BMERB1: variants seen among roughly 807,000 people sequenced by gnomAD.
BMERB1 encodes the protein bMERB domain-containing protein 1.
In BMERB1, 12 loss-of-function variants were observed where a neutral mutation model predicts 23.6. The observed-to-expected ratio is 0.51, with a 90% CI of 0.33 to 0.82. BMERB1 has a LOEUF of 0.82. Among genes scored for constraint, BMERB1 ranks in the 40% least tolerant of loss-of-function variants. The pLI is 0.03. For missense variants in BMERB1, 247 were observed against 255.4 expected (o/e 0.97, Z 0.22); for synonymous variants, 122 against 96.6 (o/e 1.26, Z -1.54).
At chr16:15,521,300 CA>C (rs1418769402) in intron 2 of BMERB1, among the ~76,000 whole-genome samples, 1 of 152,166 alleles carries the variant, frequency 6.6e-6, no homozygotes, top group Non-Finnish European at 1.5e-5. Flanking sequence ...TGATGAGCTC[CA>C]ATGCAGACAG....
chr16:15,575,982 T>A (rs1204336717), intron 3 of BMERB1, among the ~76,000 whole-genome samples: 1 of 151,920 alleles, frequency 6.6e-6, no homozygotes, highest in East Asian at 1.9e-4. Context: ...GGCCCTAGGT[T>A]CCCTGCCTCC....
intron 1 of BMERB1, among the ~76,000 whole-genome samples, chr16:15,496,157 T>G (rs1338780380): frequency 6.6e-6 from 1 of 151,784 alleles, no homozygotes; most frequent in African/African-American, 2.4e-5. Flanking sequence ...ATGACAGTGA[T>G]GTGCTAGTGA....
intron 2 of BMERB1, among the ~76,000 whole-genome samples, chr16:15,526,813 G>A (rs1056753150): frequency 2.0e-5 from 3 of 150,738 alleles, no homozygotes; most frequent in Admixed American, 6.6e-5. Flanking sequence ...TGGGGCACAC[G>A]GGGCCGTCTA....
At chr16:15,529,015 G>GTGTT (rs369446865) in intron 2 of BMERB1, among the ~76,000 whole-genome samples, 2,293 of 151,608 alleles carry the variant, frequency 0.015, 28 homozygotes, top group African/African-American at 0.028. Flanking sequence ...TGAAAAATAA[G>GTGTT]TGTTTGTTTG....
intron 1 of BMERB1, among the ~76,000 whole-genome samples, chr16:15,461,965 GCAA>G (rs1452636378): frequency 2.6e-5 from 4 of 151,764 alleles, no homozygotes; most frequent in Non-Finnish European, 4.4e-5. Context: ...AACAGCAGCA[GCAA>G]CAACAAACAA....
chr16:15,452,305 GA>G (rs1297232962), intron 1 of BMERB1, among the ~76,000 whole-genome samples: 3 of 86,150 alleles, frequency 3.5e-5, no homozygotes, highest in Non-Finnish European at 7.3e-5. Flanking sequence ...AGAAAAGAAG[GA>G]AGGAAGGGAG....
intron 3 of BMERB1, among the ~76,000 whole-genome samples, chr16:15,577,871 C>G (rs150999252): frequency 1.3e-5 from 2 of 152,204 alleles, no homozygotes; most frequent in Admixed American, 1.3e-4. Context: ...CGCCATTTTG[C>G]CTCTTAATGT....
chr16:15,550,449 C>G (rs1389081338), intron 2 of BMERB1, among the ~76,000 whole-genome samples: 1 of 152,102 alleles, frequency 6.6e-6, no homozygotes, highest in Non-Finnish European at 1.5e-5. Context: ...CCTCCCACCT[C>G]AGCCCCGCAA....
At position 15,583,320 on chromosome 16, in the gene BMERB1, G is replaced by A. The variant is rs570713416; in HGVS notation, c.502+82G>A. ...GCCAGGCCCACAGTGGATCACGCCT[G>A]TAATCCCAGCACTATGAGAGGCCAA... is the stretch of plus-strand genomic sequence containing the variant. On this transcript the variant is annotated intron_variant, in intron 5 of 5. Transcript: ENST00000300006. The A allele has an allele frequency of 1.4e-5, 16 of 1,169,712 alleles. No individual in the cohort carries two copies. The Admixed American group carries it at 1.5e-4, about 11-fold the overall frequency. The allele number at this position is 1,169,712 out of a possible 1,614,324, so 72.5% of individuals were successfully genotyped here. A position where few individuals can be genotyped will look rare whatever the true frequency, so the allele number is the denominator to read the frequency against.
chr16:15,465,117 A>G (rs1020159090), intron 1 of BMERB1, among the ~76,000 whole-genome samples: 1 of 152,074 alleles, frequency 6.6e-6, no homozygotes, highest in Non-Finnish European at 1.5e-5. Flanking sequence ...AACCACACAC[A>G]CACATACACA....
At chr16:15,574,999 A>T (rs1266306468) in intron 3 of BMERB1, among the ~76,000 whole-genome samples, 2 of 152,140 alleles carry the variant, frequency 1.3e-5, no homozygotes, top group Non-Finnish European at 2.9e-5. Flanking sequence ...GAATTGCTTG[A>T]ACTCGGGAGA....
rs751287609 is a variant in BMERB1 at position 15,434,775 on chromosome 16, G to A, written c.106+16G>A. ...CTGGGGAGAAGTGAGTACTGGGGCG[G>A]GGGGCGGGGGGCCGGGGACAGCTGG... On this transcript the variant is annotated intron_variant, in intron 1 of 5. Coordinates refer to ENST00000300006, the MANE Select transcript of BMERB1 (RefSeq NM_033201.3). 2.3e-5 allele frequency: 12 copies of A among 531,390 alleles called. No individual in the cohort carries two copies. In the East Asian group the frequency reaches 2.5e-4, roughly 11 times the overall value. 32.9% of individuals were successfully genotyped at this position (531,390 alleles called of 1,614,324 possible).
chr16:15,504,680 T>C (rs187448541), intron 1 of BMERB1, among the ~76,000 whole-genome samples: 2 of 151,890 alleles, frequency 1.3e-5, no homozygotes, highest in African/African-American at 4.8e-5. Flanking sequence ...CTTAAACTCA[T>C]GGCTTCAAGT....
chr16:15,467,635 A>C (rs1179748845), intron 1 of BMERB1, among the ~76,000 whole-genome samples: 1 of 152,070 alleles, frequency 6.6e-6, no homozygotes, highest in Non-Finnish European at 1.5e-5. Flanking sequence ...ATTTCCTCCT[A>C]GTCCGTAGCT....
chr16:15,448,046 T>A lies in BMERB1; in HGVS notation c.106+13287T>A, dbSNP rs566401441. On this transcript the variant is annotated intron_variant, in intron 1 of 5. Coordinates refer to ENST00000300006, the MANE Select transcript of BMERB1 (RefSeq NM_033201.3). The stretch of plus-strand genomic sequence containing the variant: ...CCGGAATTACAGGTACCCGCCACCA[T>A]GCCCAGCTAATTTTTGTACTTTTAG... 1.3e-4 allele frequency: 50 copies of A among 388,224 alleles called. 1 individual carries two copies. The highest frequency in any genetic ancestry group is 9.1e-4 in the South Asian group (48 of 52,830). 24.0% of individuals were successfully genotyped at this position (388,224 alleles called of 1,614,324 possible). A position where few individuals can be genotyped will look rare whatever the true frequency, so the allele number is the denominator to read the frequency against.
intron 2 of BMERB1, among the ~76,000 whole-genome samples, chr16:15,524,428 C>G (rs1056346076): frequency 3.3e-5 from 5 of 152,090 alleles, no homozygotes; most frequent in Non-Finnish European, 7.4e-5. Flanking sequence ...TCTAAATGTA[C>G]TGGGAGGTGG....
intron 1 of BMERB1, among the ~76,000 whole-genome samples, chr16:15,473,152 G>T (rs962755229): frequency 2.0e-5 from 3 of 151,862 alleles, no homozygotes; most frequent in Non-Finnish European, 4.4e-5. Flanking sequence ...GAGCCACTGA[G>T]GCCAGCCAGA....
rs912984150 is a variant in BMERB1 at position 15,568,060 on chromosome 16, A to G, written c.304+4A>G. ...CAGAACTTGGTCGCCATCCCAGGTA[A>G]CCATTTGCAACTTCACCTTGTGCTA... On this transcript the variant is annotated splice_donor_region_variant and intron_variant, in intron 3 of 5. Coordinates refer to ENST00000300006, the MANE Select transcript of BMERB1 (RefSeq NM_033201.3). 6 of 1,613,624 alleles carry G rather than the reference A, an allele frequency of 3.7e-6. No individual in the cohort carries two copies. The highest frequency in any genetic ancestry group is 1.7e-4 in the Middle Eastern group (1 of 6,018).
chr16:15,564,888 T>G (rs1001029628), intron 2 of BMERB1, among the ~76,000 whole-genome samples: 10 of 152,304 alleles, frequency 6.6e-5, no homozygotes, highest in Non-Finnish European at 1.3e-4. Flanking sequence ...TTACCCCAGC[T>G]CATTCCTTAC....
Sources: gnomAD v4.1 joint callset for allele counts (sites outside exome capture counted in the v4.1 genomes callset) on GRCh38, gnomAD v4.1.1 for gene constraint, MANE v1.5 for transcripts, NCBI Gene and HGNC (gene_info 2026-07-23, HGNC 2026-07-21) for gene names.